ZBTB10: variants seen among roughly 807,000 people sequenced by gnomAD.
The protein encoded by ZBTB10 is zinc finger and BTB domain-containing protein 10.
ZBTB10 carries 32 observed loss-of-function variants against 76.4 expected under a neutral mutation model. That is an observed-to-expected ratio of 0.42 (90% confidence interval 0.32 to 0.56). The LOEUF (loss-of-function observed/expected upper bound fraction) is 0.56. ZBTB10 is among the 20% of genes least tolerant of loss of function. The pLI is 0.14. For synonymous variants in ZBTB10, 523 were observed against 432.9 expected, an observed-to-expected ratio of 1.21 and a Z score of -2.58; for missense variants, 1,057 against 1,098.5, an observed-to-expected ratio of 0.96 and a Z score of 0.53.
rs1383962788 is a variant in ZBTB10, at chr8:80,500,402, G to A, written c.1861+20G>A. 5.3e-6 allele frequency: 8 copies of A among 1,498,646 alleles called. No individual in the cohort carries two copies. Among genetic ancestry groups the A allele is most frequent in the Non-Finnish European group, 6.2e-6 (7 of 1,126,290 alleles). The allele number at this position is 1,498,646 out of a possible 1,614,324, so 92.8% of individuals were successfully genotyped here. ...AACCAGGTAAATATTATCTATACAAGGATACTTCCTTGTTCATCCTAATTC... is the reference window on the plus strand; with the variant it reads ...AACCAGGTAAATATTATCTATACAAAGATACTTCCTTGTTCATCCTAATTC... On this transcript the variant is annotated intron_variant, in intron 2 of 5. Coordinates refer to ENST00000455036, the MANE Select transcript of ZBTB10 (RefSeq NM_001105539.3).
chr8:80,498,860 A>G (rs534997301), intron 1 of ZBTB10, among the ~76,000 whole-genome samples: 1 of 152,348 alleles, frequency 6.6e-6, no homozygotes, highest in African/African-American at 2.4e-5. Context: ...TATAGTACTT[A>G]TGACCCTAAA....
At position 80,486,962 on chromosome 8, in the gene ZBTB10, C is replaced by T. The variant is rs1238261680; in HGVS notation, c.152C>T (p.Ala51Val). The T allele has an allele frequency of 2.0e-6, 3 of 1,511,876 alleles. No individual in the cohort carries two copies. Among genetic ancestry groups the T allele is most frequent in the East Asian group, 5.4e-5 (2 of 37,256 alleles). 93.7% of individuals were successfully genotyped at this position (1,511,876 alleles called of 1,614,324 possible). A position where few individuals can be genotyped will look rare whatever the true frequency, so the allele number is the denominator to read the frequency against. ...CAGCCGAGACAGCCCCCGCCGCCAG[C>T]GCCGCCCGCGCTTCAGCCGCCTAAT... ...QPQPRQPPPPAPPALQPPNGR... is the reference protein window; with the variant it reads ...QPQPRQPPPPVPPALQPPNGR... The change falls in exon 1 of 6, where the codon GCG (alanine) becomes GTG (valine). Residue 51 changes from alanine (A) to valine (V), a missense_variant. This residue lies in a region of ZBTB10 where 556 missense variants were observed against 451.7 expected (regional missense o/e 1.23). Coordinates refer to ENST00000455036, the MANE Select transcript of ZBTB10 (RefSeq NM_001105539.3).
intron 2 of ZBTB10, among the ~76,000 whole-genome samples, chr8:80,507,384 G>A (rs186888992): frequency 0.014 from 2,046 of 150,896 alleles, 32 homozygotes; most frequent in Middle Eastern, 0.024. Flanking sequence ...AGGCCGAGGC[G>A]GGTGGTTCAC....
In ZBTB10 at chr8:80,487,742, A is replaced by G; in HGVS notation, c.932A>G (p.His311Arg). The change falls in exon 1 of 6, where the codon CAC becomes CGC. Residue 311 changes from histidine (H) to arginine (R), a missense_variant. His to Arg is a conservative substitution (Grantham distance 29, BLOSUM62 0). This residue lies in a region of ZBTB10 where 556 missense variants were observed against 451.7 expected (regional missense o/e 1.23). Coordinates refer to ENST00000455036, the MANE Select transcript of ZBTB10 (RefSeq NM_001105539.3). ...NYKKTLLLRH[H>R]VSTEHKLHEA... is the part of the protein sequence containing the mutation. ...AAGAAAACCCTCCTCCTGAGGCACC[A>G]CGTCTCTACCGAGCACAAACTCCAC... 1 of 1,610,888 alleles carries G rather than the reference A, an allele frequency of 6.2e-7. No homozygotes were observed. Among genetic ancestry groups the G allele is most frequent in the Admixed American group, 1.7e-5 (1 of 59,708 alleles).
chr8:80,510,588 C>T (rs1418065543), intron 2 of ZBTB10, among the ~76,000 whole-genome samples: 1 of 151,622 alleles, frequency 6.6e-6, no homozygotes, highest in Admixed American at 6.6e-5. Flanking sequence ...TATTACATAC[C>T]ACTCATGTAC....
intron 1 of ZBTB10, among the ~76,000 whole-genome samples, chr8:80,491,100 A>G (rs1030326166): frequency 6.6e-6 from 1 of 152,148 alleles, no homozygotes; most frequent in Admixed American, 6.5e-5. Context: ...GTAATGTCCT[A>G]GGCCTTTCAT....
intron 1 of ZBTB10, among the ~76,000 whole-genome samples, chr8:80,490,168 G>A (rs1815587934): frequency 6.6e-6 from 1 of 152,182 alleles, no homozygotes; most frequent in African/African-American, 2.4e-5. Flanking sequence ...TTTTAGGCAG[G>A]CAAATTAGTT....
At chr8:80,513,135 C>T (rs1179060164) in intron 2 of ZBTB10, among the ~76,000 whole-genome samples, 1 of 151,802 alleles carries the variant, frequency 6.6e-6, no homozygotes, top group African/African-American at 2.4e-5. Context: ...ATTCTGTATT[C>T]TGACAAAAAC....
At chr8:80,503,336 G>C (rs1476292142) in intron 2 of ZBTB10, among the ~76,000 whole-genome samples, 1 of 152,112 alleles carries the variant, frequency 6.6e-6, no homozygotes, top group Non-Finnish European at 1.5e-5. Context: ...CCAAATGCCA[G>C]ATAGATGGTC....
upstream of ZBTB10, chr8:80,486,007 C>T (rs1815437055): frequency 9.0e-7 from 1 of 1,117,234 alleles, no homozygotes; most frequent in African/African-American, 1.6e-5. Flanking sequence ...GCCGCCCGGC[C>T]TTTTGTCCCC....
Position 80,526,235 on chromosome 8 carries a change from A to G in ZBTB10, c.*6707A>G, listed in dbSNP as rs560438071. 7.2e-5 allele frequency: 11 copies of G among 152,330 alleles called. No individual in the cohort carries two copies. The highest frequency in any genetic ancestry group is 1.4e-4 in the African/African-American group (6 of 41,588). 9.4% of individuals were successfully genotyped at this position (152,330 alleles called of 1,614,324 possible). A position where few individuals can be genotyped will look rare whatever the true frequency, so the allele number is the denominator to read the frequency against. ...TGTTGGAGTTTTGATGTAGAGTGCA[A>G]TAATACATCAATAAAGGTATTTTAA... is the stretch of plus-strand genomic sequence containing the variant. On this transcript the variant is annotated 3_prime_UTR_variant, in exon 6 of 6. Transcript: ENST00000455036.
At chr8:80,518,658 T>C (rs1485306624) in intron 4 of ZBTB10, 79 bp downstream of exon 4, 1 of 1,487,082 alleles carries the variant, frequency 6.7e-7, no homozygotes, top group African/African-American at 1.4e-5. Context: ...TTCTGCATTT[T>C]TTAAAAACCA....
chr8:80,494,922 C>CAAA (rs35629668), intron 1 of ZBTB10, among the ~76,000 whole-genome samples: 2 of 105,218 alleles, frequency 1.9e-5, no homozygotes, highest in Non-Finnish European at 4.2e-5. Context: ...GACACTGTCT[C>CAAA]AAAAAAAAAA....
rs755108316 is a variant in ZBTB10, at chr8:80,499,845, G to A, written c.1324G>A (p.Val442Met). 56 of 1,613,840 alleles carry A rather than the reference G, an allele frequency of 3.5e-5. No individual in the cohort carries two copies. The highest frequency in any genetic ancestry group is 4.6e-5 in the Non-Finnish European group (54 of 1,179,882). The change falls in exon 2 of 6, where the codon GTG becomes ATG. Residue 442 changes from valine (V) to methionine (M), a missense_variant. Val to Met is a conservative substitution (Grantham distance 21, BLOSUM62 1). Transcript: ENST00000455036. ...TSQNAIEVMT[V>M]ASYLQMSEVV... ...CCAAAATGCCATTGAAGTTATGACC[G>A]TGGCCAGCTATCTTCAAATGAGTGA...
rs1166543237 is a variant in ZBTB10, at chr8:80,525,759, C to CTAT, written c.*6232_*6233insATT. 1 of 152,126 alleles carries CTAT rather than the reference C, an allele frequency of 6.6e-6. No individual in the cohort carries two copies. Among genetic ancestry groups the CTAT allele is most frequent in the African/African-American group, 2.4e-5 (1 of 41,424 alleles). 9.4% of individuals were successfully genotyped at this position (152,126 alleles called of 1,614,324 possible). On this transcript the variant is annotated 3_prime_UTR_variant, in exon 6 of 6. Transcript: ENST00000455036. ...TGAAGTTAGAAGATTCCAGAGTACA[C>CTAT]TCAAATAGTATTTGGCACATAGCTT...
chr8:80,512,286 C>G (rs766671837), intron 2 of ZBTB10, among the ~76,000 whole-genome samples: 31 of 152,220 alleles, frequency 2.0e-4, no homozygotes, highest in Non-Finnish European at 3.8e-4. Flanking sequence ...TGCTGTCTCT[C>G]TTAAGTACCC....
intron 3 of ZBTB10, among the ~76,000 whole-genome samples, chr8:80,514,611 G>C (rs551201706): frequency 6.6e-6 from 1 of 152,234 alleles, no homozygotes; most frequent in Non-Finnish European, 1.5e-5. Context: ...TAATGGGCTT[G>C]TCCCCCTATG....
intron 1 of ZBTB10, among the ~76,000 whole-genome samples, chr8:80,488,777 G>A (rs1270315310): frequency 6.6e-6 from 1 of 152,174 alleles, no homozygotes; most frequent in Admixed American, 6.5e-5. Flanking sequence ...TGTGGTGGTG[G>A]ATGGAATTCA....
chr8:80,490,291 TA>T (rs1175843336), intron 1 of ZBTB10, among the ~76,000 whole-genome samples: 2 of 152,220 alleles, frequency 1.3e-5, no homozygotes, highest in African/African-American at 4.8e-5. Flanking sequence ...ACAGTGACTC[TA>T]TTGCCCAGGC....
Sources: gnomAD v4.1 joint callset for allele counts (sites outside exome capture counted in the v4.1 genomes callset) on GRCh38, gnomAD v4.1.1 for gene constraint, gnomAD v4.1.1 regional missense constraint, MANE v1.5 for transcripts, NCBI Gene and HGNC (gene_info 2026-07-23, HGNC 2026-07-21) for gene names.